Variants in IL17RC observed in about 807,000 individuals in gnomAD.
The protein encoded by IL17RC is interleukin-17 receptor C.
Under a neutral mutation model 86.7 loss-of-function variants are expected in IL17RC, and 53 were observed. That is an observed-to-expected ratio of 0.61 (90% CI 0.49 to 0.77). The LOEUF is 0.77. Ranked by LOEUF, IL17RC falls within the 30% of genes least tolerant of loss-of-function variation. The pLI, the probability that IL17RC is intolerant of heterozygous loss-of-function variation, is 0.00. For synonymous variants in IL17RC, 439 were observed against 413.1 expected (o/e 1.06, Z -0.76); for missense variants, 957 against 940.0 (o/e 1.02, Z -0.24).
At chr3:9,928,657 C>G (rs776703838) in intron 12 of IL17RC, 27 bp downstream of exon 12, 63 of 1,612,548 alleles carry the variant, frequency 3.9e-5, no homozygotes, top group Non-Finnish European at 5.3e-5. Flanking sequence ...TAGTGCTGGG[C>G]TGGAGGCTGG....
rs745887093 is a variant in IL17RC at position 9,930,401 on chromosome 3, G to C, written c.1280G>C (p.Arg427Thr). 3 of 1,614,012 alleles carry C rather than the reference G, an allele frequency of 1.9e-6. No individual in the cohort carries two copies. The highest frequency in any genetic ancestry group is 2.5e-6 in the Non-Finnish European group (3 of 1,180,030). Residue 427 changes from arginine to threonine, a missense_variant and splice_region_variant, in exon 15 of 19, where the codon AGG (arginine) becomes ACG (threonine). Physicochemically the swap from Arg to Thr is moderately conservative, Grantham distance 71. Transcript: ENST00000403601. This position sits in a 1 kb window ranked among gnomAD's most constrained non-coding sequence, Gnocchi z 5.8. The stretch of plus-strand genomic sequence containing the variant: ...TGCCCCCATCCTTTGGCTTGGCAGA[G>C]GGCAGCTCGCCTTGGAGAGTACTTA... ...CTSLPSKAST[R>T]AARLGEYLLQ... is the part of the protein sequence containing the mutation.
rs1254733614 is a variant in IL17RC at position 9,933,017 on chromosome 3, G to T, written c.1587G>T (p.Leu529=). ...CCGATGACTCGGGTTTCGAGCGCCT[G>T]GTGGGCGCCCTGGCGTCGGCCCTGT... ...YSADDSGFER[L]VGALASALCQ... Residue 529 remains leucine (L), a synonymous_variant, in exon 19 of 19, where the codon CTG becomes CTT. Coordinates refer to ENST00000403601, the MANE Select transcript of IL17RC (RefSeq NM_153460.4). 6.4e-7 allele frequency: 1 copy of T among 1,565,752 alleles called. No homozygotes were observed. Among genetic ancestry groups the T allele is most frequent in the Non-Finnish European group, 8.6e-7 (1 of 1,163,892 alleles).
At position 9,930,122 on chromosome 3, in the gene IL17RC, T is replaced by C. The variant is rs749412006; in HGVS notation, c.1251T>C (p.Cys417=). ...RSLCALEPSG[C]TSLPSKASTR... is the part of the protein sequence containing the mutation. ...TCTGTGCCTTGGAACCCAGTGGCTG[T>C]ACTTCACTACCCAGCAAAGCCTCCA... The change falls in exon 14 of 19, where the codon TGT becomes TGC. Residue 417 remains cysteine, a synonymous_variant. Coordinates refer to ENST00000403601, the MANE Select transcript of IL17RC (RefSeq NM_153460.4). This position sits in a 1 kb window ranked among gnomAD's most constrained non-coding sequence, Gnocchi z 5.8. 3 of 1,614,068 alleles carry C rather than the reference T, an allele frequency of 1.9e-6. No homozygotes were observed. The highest frequency in any genetic ancestry group is 1.7e-6 in the Non-Finnish European group (2 of 1,180,014).
chr3:9,921,055 C>G (rs560420275), intron 7 of IL17RC, 86 bp downstream of exon 7: 3 of 749,538 alleles, frequency 4.0e-6, no homozygotes, highest in South Asian at 3.8e-5. Context: ...CAGATATGGG[C>G]TACCACATCT....
chr3:9,920,946 G>A lies in IL17RC; in HGVS notation c.599G>A (p.Trp200Ter). 6.2e-7 allele frequency: 1 copy of A among 1,603,422 alleles called. No individual in the cohort carries two copies. Residue 200 changes from tryptophan (W) to a stop codon, truncating the protein, a stop_gained, in exon 7 of 19, where the codon TGG becomes TAG. Transcript: ENST00000403601. LOFTEE classifies it high-confidence loss of function. Reference protein sequence around the residue: ...QLPDCRGLEVWNSIPSCWALP... With the variant: ...QLPDCRGLEV ...TCAGACTGCAGGGGGCTCGAAGTCT[G>A]GAACAGCATCCCGAGCTGCTGGGGT...
rs769222415 is a variant in IL17RC, at chr3:9,930,400, AG to A, written c.1282del (p.Ala428GlnfsTer70). 1 of 1,613,872 alleles carries A rather than the reference AG, an allele frequency of 6.2e-7. No individual in the cohort carries two copies. The highest frequency in any genetic ancestry group is 1.3e-5 in the African/African-American group (1 of 74,904). ...GTGCCCCCATCCTTTGGCTTGGCAG[AG>A]GGCAGCTCGCCTTGGAGAGTACTTA... Reference protein sequence around the residue: ...CTSLPSKASTRAARLGEYLLQ... With the variant: ...CTSLPSKASTXAARLGEYLLQ... On this transcript the variant is annotated frameshift_variant and splice_region_variant, in exon 15 of 19. Transcript: ENST00000403601. LOFTEE classifies it high-confidence loss of function. The surrounding 1 kb of genome is among the most constrained non-coding windows in gnomAD (Gnocchi z 5.8).
At chr3:9,931,476 T>C (rs1166350891) in intron 16 of IL17RC, among the ~76,000 whole-genome samples, 565 of 9,700 alleles carry the variant, frequency 0.058, 16 homozygotes, top group African/African-American at 0.073. Flanking sequence ...CACACATATA[T>C]ATATATATAT....
At chr3:9,926,855 C>T (rs1026060137) in intron 9 of IL17RC, among the ~76,000 whole-genome samples, 6 of 152,244 alleles carry the variant, frequency 3.9e-5, no homozygotes, top group South Asian at 2.1e-4. Context: ...CTCTTGACCT[C>T]GTGATCCGCC....
Position 9,930,497 on chromosome 3 carries a change from G to C in IL17RC, c.1338+38G>C. Reference sequence around the variant, plus strand: ...AAGAAGGGCCCCACCTCAATGCCTAGGGGCAACAGGCCTAAAACTAGCACT... The same window carrying C: ...AAGAAGGGCCCCACCTCAATGCCTACGGGCAACAGGCCTAAAACTAGCACT... On this transcript the variant is annotated intron_variant, in intron 15 of 18. Coordinates refer to ENST00000403601, the MANE Select transcript of IL17RC (RefSeq NM_153460.4). This position sits in a 1 kb window ranked among gnomAD's most constrained non-coding sequence, Gnocchi z 5.8. 6.3e-7 allele frequency: 1 copy of C among 1,597,040 alleles called. No individual in the cohort carries two copies. Among genetic ancestry groups the C allele is most frequent in the Non-Finnish European group, 8.6e-7 (1 of 1,165,428 alleles).
At chr3:9,932,741 A>G in intron 17 of IL17RC, 38 bp downstream of exon 17, 1 of 1,611,280 alleles carries the variant, frequency 6.2e-7, no homozygotes, top group East Asian at 2.2e-5. Flanking sequence ...CTGGGGGAGG[A>G]CCAGAGTGGC....
rs777634372 is a variant in IL17RC at position 9,933,539 on chromosome 3, G to A, written c.2109G>A (p.Ala703=). The stretch of plus-strand genomic sequence containing the variant: ...ACTTCCATCCCCCGGGGACTCCCGC[G>A]CCGGGACGCGGGGTGGGACCAGGCG... ...DSYFHPPGTP[A]PGRGVGPGAG... is the part of the protein sequence containing the mutation. The change falls in exon 19 of 19, where the codon GCG becomes GCA. Residue 703 remains alanine (A), a synonymous_variant. Coordinates refer to ENST00000403601, the MANE Select transcript of IL17RC (RefSeq NM_153460.4). 4 of 1,606,458 alleles carry A rather than the reference G, an allele frequency of 2.5e-6. No homozygotes were observed. The highest frequency in any genetic ancestry group is 3.4e-6 in the Non-Finnish European group (4 of 1,176,866).
At chr3:9,924,369 C>T in intron 9 of IL17RC, 78 bp downstream of exon 9, 1 of 1,426,834 alleles carries the variant, frequency 7.0e-7, no homozygotes. Context: ...TTCCTGGTCT[C>T]ACCATTCTTC....
rs569727143 is a variant in IL17RC, at chr3:9,923,909, T to C, written c.651T>C (p.Asp217=). 1.9e-6 allele frequency: 3 copies of C among 1,614,154 alleles called. No homozygotes were observed. The highest frequency in any genetic ancestry group is 2.7e-5 in the African/African-American group (2 of 75,054). Residue 217 remains aspartate, a synonymous_variant, in exon 8 of 19, where the codon GAT becomes GAC. Transcript: ENST00000403601. ...TGCCCTGGCTCAACGTGTCAGCAGA[T>C]GGTGACAACGTGCATCTGGTTCTGA... The part of the protein sequence containing the change: ...WALPWLNVSA[D]GDNVHLVLNV...
At chr3:9,927,229 A>G (rs2084167298) in intron 9 of IL17RC, among the ~76,000 whole-genome samples, 1 of 48,596 alleles carries the variant, frequency 2.1e-5, no homozygotes, top group South Asian at 9.5e-4. Context: ...CCCAACACAT[A>G]GCAGGTGCTT....
Position 9,930,744 on chromosome 3 carries a change from G to A in IL17RC, c.1339-151G>A, listed in dbSNP as rs75487392. On this transcript the variant is annotated intron_variant, in intron 15 of 18. Transcript: ENST00000403601. The surrounding 1 kb of genome is among the most constrained non-coding windows in gnomAD (Gnocchi z 5.8). ...GGAAGAAGTCATACCCTAGTCAGTG[G>A]GCACAGCACAAAGGCAGAGCAGCTG... is the stretch of plus-strand genomic sequence containing the variant. 24,899 of 783,462 alleles carry A rather than the reference G, an allele frequency of 0.032. 1,058 individuals carry two copies. Among genetic ancestry groups the A allele is most frequent in the African/African-American group, 0.17 (9,847 of 59,230 alleles). The allele number at this position is 783,462 out of a possible 1,614,324, so 48.5% of individuals were successfully genotyped here.
intron 9 of IL17RC, among the ~76,000 whole-genome samples, chr3:9,927,350 A>G (rs2084179915): frequency 1.5e-5 from 1 of 65,734 alleles, no homozygotes; most frequent in Non-Finnish European, 2.9e-5. Context: ...CGAGGTCAGG[A>G]GTTTGAGACC....
At position 9,923,900 on chromosome 3, in the gene IL17RC, G is replaced by T; in HGVS notation, c.642G>T (p.Val214=). The T allele has an allele frequency of 6.2e-7, 1 of 1,614,136 alleles. No homozygotes were observed. The highest frequency in any genetic ancestry group is 8.5e-7 in the Non-Finnish European group (1 of 1,180,016). The change falls in exon 8 of 19, where the codon GTG becomes GTT. Residue 214 remains valine (V), a synonymous_variant. Coordinates refer to ENST00000403601, the MANE Select transcript of IL17RC (RefSeq NM_153460.4). ...PSCWALPWLN[V]SADGDNVHLV... ...CACCAGCCCTGCCCTGGCTCAACGT[G>T]TCAGCAGATGGTGACAACGTGCATC...
intron 12 of IL17RC, 64 bp downstream of exon 12, chr3:9,928,694 G>A (rs1050526253): frequency 6.5e-7 from 1 of 1,547,732 alleles, no homozygotes; most frequent in African/African-American, 1.4e-5. Context: ...CAGCCAAGGG[G>A]GTCTTAGTTC....
At chr3:9,920,691 C>T (rs1483492811) in intron 6 of IL17RC, 89 bp downstream of exon 6, 4 of 937,990 alleles carry the variant, frequency 4.3e-6, no homozygotes, top group African/African-American at 3.3e-5. Context: ...GCTCCATCCA[C>T]TCTCCGGCAG....
Sources: allele counts gnomAD v4.1 joint callset (sites outside exome capture counted in the v4.1 genomes callset), GRCh38; gene constraint gnomAD v4.1.1; non-coding constraint Gnocchi (gnomAD v3.1); transcripts MANE v1.5; gene names NCBI Gene and HGNC (gene_info 2026-07-23, HGNC 2026-07-21).